Variants in CA1 observed in about 807,000 individuals in gnomAD.
CA1 encodes the protein carbonic anhydrase 1, also known as carbonate dehydratase I.
A neutral mutation model predicts 28.8 loss-of-function variants in CA1; 27 were observed. The ratio of observed to expected loss-of-function variants is 0.94; its 90% CI spans 0.69 to 1.29. The LOEUF (loss-of-function observed/expected upper bound fraction) is 1.29, where lower values mean the gene tolerates loss of function less well. Ranked by LOEUF, CA1 falls within the 50% of genes most tolerant of loss-of-function variation. The pLI, the probability that CA1 is intolerant of heterozygous loss-of-function variation, is 0.00. For missense variants in CA1, 335 were observed against 310.5 expected, an observed-to-expected ratio of 1.08 and a Z score of -0.59; for synonymous variants, 121 against 108.8, an observed-to-expected ratio of 1.11 and a Z score of -0.70.
intron 1 of CA1, among the ~76,000 whole-genome samples, chr8:85,368,506 G>A (rs1435590882): frequency 6.6e-6 from 1 of 151,540 alleles, no homozygotes; most frequent in Non-Finnish European, 1.5e-5. Flanking sequence ...GTTTAGTTGT[G>A]GTACATGTTG....
chr8:85,332,588 T>A, intron 5 of CA1, 36 bp from the exon 6 acceptor site: 4 of 1,491,098 alleles, frequency 2.7e-6, no homozygotes, highest in Non-Finnish European at 9.4e-7. Flanking sequence ...GAGATAAAGA[T>A]TATTATCAAT....
At chr8:85,336,591 G>C (rs1808663413) in intron 4 of CA1, among the ~76,000 whole-genome samples, 1 of 152,150 alleles carries the variant, frequency 6.6e-6, no homozygotes, top group South Asian at 2.1e-4. Flanking sequence ...ATCCAAACTT[G>C]AACGTTTAAA....
chr8:85,364,956 C>T (rs922284955), intron 1 of CA1, among the ~76,000 whole-genome samples: 1 of 152,130 alleles, frequency 6.6e-6, no homozygotes, highest in Non-Finnish European at 1.5e-5. Flanking sequence ...GTACTGGCAG[C>T]AACAGCTGCC....
intron 1 of CA1, among the ~76,000 whole-genome samples, chr8:85,353,907 C>A (rs1045501845): frequency 5.3e-5 from 8 of 152,132 alleles, no homozygotes; most frequent in African/African-American, 1.9e-4. Context: ...AATGACTTCT[C>A]ACTGCTTAGA....
At chr8:85,361,812 A>G (rs1809806871) in intron 1 of CA1, among the ~76,000 whole-genome samples, 1 of 152,220 alleles carries the variant, frequency 6.6e-6, no homozygotes, top group Non-Finnish European at 1.5e-5. Context: ...TCACTGGACC[A>G]GCGCTATTAG....
intron 1 of CA1, among the ~76,000 whole-genome samples, chr8:85,377,399 GATATA>G (rs571797849): frequency 4.1e-4 from 62 of 152,230 alleles, no homozygotes; most frequent in African/African-American, 1.4e-3. Flanking sequence ...ATTTGTAATT[GATATA>G]ATATATAATA....
chr8:85,361,163 C>T (rs552306123), intron 1 of CA1, among the ~76,000 whole-genome samples: 2 of 152,240 alleles, frequency 1.3e-5, no homozygotes, highest in African/African-American at 4.8e-5. Flanking sequence ...GAATCTGTGA[C>T]TCTTCTGCTC....
chr8:85,330,940 T>A, intron 6 of CA1, among the ~76,000 whole-genome samples: 1 of 152,148 alleles, frequency 6.6e-6, no homozygotes, highest in East Asian at 1.9e-4. Flanking sequence ...GTTTTGTAGT[T>A]TTCATACCTG....
intron 1 of CA1, among the ~76,000 whole-genome samples, chr8:85,344,222 ATATACAGTATATAATAT>A (rs1809057793): frequency 3.8e-4 from 14 of 36,742 alleles, no homozygotes; most frequent in African/African-American, 3.4e-3. Context: ...TAATTATATT[ATATACAGTATATAATAT>A]ATAATTATAT....
chr8:85,371,018 C>G (rs1055110776), intron 1 of CA1, among the ~76,000 whole-genome samples: 40 of 152,118 alleles, frequency 2.6e-4, no homozygotes, highest in Admixed American at 1.3e-4. Flanking sequence ...TATCTGAATG[C>G]CTCTCTGAAT....
intron 1 of CA1, among the ~76,000 whole-genome samples, chr8:85,355,004 G>A (rs1011163089): frequency 6.6e-6 from 1 of 152,168 alleles, no homozygotes; most frequent in Non-Finnish European, 1.5e-5. Flanking sequence ...TTGGTCTTAT[G>A]TAACAGCCAA....
At chr8:85,358,203 G>A (rs1032062636) in intron 1 of CA1, among the ~76,000 whole-genome samples, 3 of 152,154 alleles carry the variant, frequency 2.0e-5, no homozygotes, top group Admixed American at 6.5e-5. Flanking sequence ...CCATGACCAA[G>A]GTTGAGGTAT....
intron 1 of CA1, among the ~76,000 whole-genome samples, chr8:85,358,019 A>C (rs141390335): frequency 1.3e-5 from 2 of 152,206 alleles, no homozygotes; most frequent in African/African-American, 4.8e-5. Flanking sequence ...TCCAAGAAAC[A>C]TACAGAAACA....
intron 1 of CA1, among the ~76,000 whole-genome samples, chr8:85,374,018 C>T (rs937505254): frequency 6.6e-6 from 1 of 152,004 alleles, no homozygotes; most frequent in African/African-American, 2.4e-5. Context: ...ATGGGGGTTG[C>T]ACAGCAACGT....
intron 1 of CA1, chr8:85,342,677 G>C (rs1808975685): frequency 6.6e-6 from 1 of 152,230 alleles, no homozygotes; most frequent in Non-Finnish European, 1.5e-5. Flanking sequence ...GGATGTGCCA[G>C]ACTCTGGCCA....
rs769065646 is a variant in CA1 at position 85,341,607 on chromosome 8, T to C, written c.29A>G (p.Asp10Gly). The change falls in exon 2 of 8, where the codon GAC (aspartate) becomes GGC (glycine). Residue 10 changes from aspartate to glycine, a missense_variant. Transcript: ENST00000523022. ...AACAGGAGAACTCTTACCATTTTTG[T>C]CATCATATCCCCAGTCTGGACTTGC... is the stretch of plus-strand genomic sequence containing the variant. MASPDWGYD[D>G]KNGPEQWSKL... 5 of 1,594,028 alleles carry C rather than the reference T, an allele frequency of 3.1e-6. No individual in the cohort carries two copies. Among genetic ancestry groups the C allele is most frequent in the Non-Finnish European group, 3.4e-6 (4 of 1,161,932 alleles).
intron 2 of CA1, among the ~76,000 whole-genome samples, chr8:85,338,718 T>C (rs13276893): frequency 0.57 from 69,206 of 122,442 alleles, 18,309 homozygotes; most frequent in African/African-American, 0.64. Context: ...TTCTCTCTCT[T>C]TTTTTTTTTT....
intron 3 of CA1, 99 bp downstream of exon 3, chr8:85,338,153 C>G: frequency 9.3e-7 from 1 of 1,071,062 alleles, no homozygotes; most frequent in Non-Finnish European, 1.5e-6. Flanking sequence ...CACACAAGCA[C>G]AAAAGACTTA....
intron 1 of CA1, among the ~76,000 whole-genome samples, chr8:85,353,833 A>G (rs1286634482): frequency 6.6e-6 from 1 of 152,254 alleles, no homozygotes; most frequent in East Asian, 1.9e-4. Context: ...GCTACTGGAT[A>G]CAGGAAAAGG....
Sources: allele counts gnomAD v4.1 joint callset (sites outside exome capture counted in the v4.1 genomes callset), GRCh38; gene constraint gnomAD v4.1.1; transcripts MANE v1.5; gene names NCBI Gene and HGNC (gene_info 2026-07-23, HGNC 2026-07-21).